The following LRMDA variants were observed in gnomAD, a reference collection of about 807,000 sequenced individuals.
The protein encoded by LRMDA is leucine rich melanocyte differentiation associated, also known as leucine-rich melanocyte differentiation-associated protein.
A neutral mutation model predicts 29.8 loss-of-function variants in LRMDA; 18 were observed. That is an observed-to-expected ratio of 0.60 (90% CI 0.42 to 0.90). The LOEUF (loss-of-function observed/expected upper bound fraction) is 0.90, where lower values mean the gene tolerates loss of function less well. LRMDA is among the 40% of genes least tolerant of loss of function. The pLI, the probability that LRMDA is intolerant of heterozygous loss-of-function variation, is 0.00. For synonymous variants in LRMDA, 125 were observed against 109.4 expected, an observed-to-expected ratio of 1.14 and a Z score of -0.89; for missense variants, 273 against 273.9, an observed-to-expected ratio of 1.00 and a Z score of 0.02.
intron 2 of LRMDA, among the ~76,000 whole-genome samples, chr10:75,599,576 C>T (rs1194946862): frequency 6.6e-5 from 10 of 152,080 alleles, no homozygotes; most frequent in East Asian, 1.9e-4. Context: ...TCCATGGAGA[C>T]GGCGGGTAGT....
intron 5 of LRMDA, among the ~76,000 whole-genome samples, chr10:76,323,739 G>A (rs545535424): frequency 6.6e-5 from 10 of 152,240 alleles, no homozygotes; most frequent in Non-Finnish European, 1.0e-4. Context: ...AGTTGTCTGC[G>A]TACAGTGAAA....
At chr10:76,150,825 T>C (rs912594246) in intron 5 of LRMDA, among the ~76,000 whole-genome samples, 1 of 152,218 alleles carries the variant, frequency 6.6e-6, no homozygotes, top group Non-Finnish European at 1.5e-5. Flanking sequence ...GAGCTAATTA[T>C]TAACTGCGAA....
chr10:75,959,177 G>A (rs1420356112), intron 2 of LRMDA, among the ~76,000 whole-genome samples: 2 of 152,154 alleles, frequency 1.3e-5, no homozygotes, highest in Non-Finnish European at 1.5e-5. Context: ...GGCTCTTAGA[G>A]AAAACCTAGT....
At chr10:76,001,455 G>A (rs1390113695) in intron 2 of LRMDA, among the ~76,000 whole-genome samples, 2 of 152,114 alleles carry the variant, frequency 1.3e-5, no homozygotes, top group Non-Finnish European at 2.9e-5. Context: ...AAATTTTGGG[G>A]ATGGATTTTA....
chr10:75,646,839 T>G (rs1029603955), intron 2 of LRMDA, among the ~76,000 whole-genome samples: 1 of 152,180 alleles, frequency 6.6e-6, no homozygotes, highest in Admixed American at 6.5e-5. Flanking sequence ...ACTAACGAAG[T>G]AATATACTGT....
intron 2 of LRMDA, among the ~76,000 whole-genome samples, chr10:75,521,422 C>G (rs1005742798): frequency 6.6e-6 from 1 of 152,236 alleles, no homozygotes; most frequent in Admixed American, 6.5e-5. Flanking sequence ...ATGGCAGACG[C>G]CCCTCCCCCT....
intron 2 of LRMDA, among the ~76,000 whole-genome samples, chr10:75,748,776 A>G (rs1055207434): frequency 1.3e-5 from 2 of 152,234 alleles, no homozygotes; most frequent in Admixed American, 6.5e-5. Context: ...TCAGAGTTCA[A>G]TAATATAATG....
At chr10:76,288,473 A>G (rs1840300008) in intron 5 of LRMDA, among the ~76,000 whole-genome samples, 1 of 152,176 alleles carries the variant, frequency 6.6e-6, no homozygotes, top group South Asian at 2.1e-4. Flanking sequence ...ATGGGCAAAG[A>G]TTTCATGGTG....
At chr10:75,609,032 C>T (rs1252878630) in intron 2 of LRMDA, among the ~76,000 whole-genome samples, 2 of 152,168 alleles carry the variant, frequency 1.3e-5, no homozygotes, top group East Asian at 1.9e-4. Flanking sequence ...CATCAGCTCT[C>T]CCTAGTTTGT....
chr10:76,251,158 AG>A (rs1388667717), intron 5 of LRMDA, among the ~76,000 whole-genome samples: 5 of 151,186 alleles, frequency 3.3e-5, no homozygotes, highest in Admixed American at 1.3e-4. Flanking sequence ...GTATGGTCTA[AG>A]TCTGGTCACA....
At chr10:75,739,070 G>C (rs532456062) in intron 2 of LRMDA, among the ~76,000 whole-genome samples, 1 of 152,310 alleles carries the variant, frequency 6.6e-6, no homozygotes, top group African/African-American at 2.4e-5. Context: ...TGGCCGCTGC[G>C]AGAGGCAGGC....
chr10:75,692,015 G>A (rs1420081137), intron 2 of LRMDA, among the ~76,000 whole-genome samples: 1 of 151,810 alleles, frequency 6.6e-6, no homozygotes, highest in Admixed American at 6.6e-5. Flanking sequence ...CAGGCTTAGG[G>A]AACAAAGTGA....
chr10:76,447,116 C>T (rs1165891613), intron 6 of LRMDA, among the ~76,000 whole-genome samples: 1 of 151,796 alleles, frequency 6.6e-6, no homozygotes. Context: ...TCACTACTGC[C>T]TTCCAGTTCA....
At position 76,430,818 on chromosome 10, in the gene LRMDA, A is replaced by G. The variant is rs141545671; in HGVS notation, c.601+106333A>G. On this transcript the variant is annotated intron_variant, in intron 6 of 6. Coordinates refer to ENST00000611255, the MANE Select transcript of LRMDA (RefSeq NM_001305581.2). ...CAGATAGGGTCAGTGAGTGATTTCA[A>G]CCTCCTAATTGTCCCACAACCCCCT... Among the ~76,000 whole-genome samples, 20 of 152,162 alleles carry G rather than the reference A, an allele frequency of 1.3e-4. 2 individuals carry two copies. Among genetic ancestry groups the G allele is most frequent in the African/African-American group, 4.6e-4 (19 of 41,514 alleles).
chr10:76,382,614 A>G (rs1170905627), intron 6 of LRMDA, among the ~76,000 whole-genome samples: 2 of 152,180 alleles, frequency 1.3e-5, no homozygotes, highest in African/African-American at 2.4e-5. Flanking sequence ...TGAGACATAA[A>G]CTAAACTCCT....
chr10:75,902,907 A>G (rs1038592058), intron 2 of LRMDA, among the ~76,000 whole-genome samples: 1 of 151,906 alleles, frequency 6.6e-6, no homozygotes, highest in Non-Finnish European at 1.5e-5. Context: ...CAGAGCTCCC[A>G]CCCTCTGGCC....
At chr10:76,137,699 C>T (rs926041703) in intron 5 of LRMDA, among the ~76,000 whole-genome samples, 21 of 150,984 alleles carry the variant, frequency 1.4e-4, no homozygotes, top group African/African-American at 4.2e-4. Context: ...TGAAGTCCAT[C>T]GTAAACAACA....
chr10:76,440,555 C>T (rs1842291565), intron 6 of LRMDA, among the ~76,000 whole-genome samples: 1 of 152,026 alleles, frequency 6.6e-6, no homozygotes, highest in African/African-American at 2.4e-5. Flanking sequence ...TCTGATCTTC[C>T]CTCGTTTGTA....
At chr10:75,541,226 G>C (rs780688803) in intron 2 of LRMDA, among the ~76,000 whole-genome samples, 2 of 152,084 alleles carry the variant, frequency 1.3e-5, no homozygotes. Context: ...ATTTGGAGCC[G>C]ATTTGGAACT....
Sources: gnomAD v4.1 joint callset for allele counts (sites outside exome capture counted in the v4.1 genomes callset) on GRCh38, gnomAD v4.1.1 for gene constraint, MANE v1.5 for transcripts, NCBI Gene and HGNC (gene_info 2026-07-23, HGNC 2026-07-21) for gene names.